The following DNM3 variants were observed in gnomAD, a reference collection of about 807,000 sequenced individuals.
DNM3 encodes dynamin-3.
A neutral mutation model predicts 101.6 loss-of-function variants in DNM3; 47 were observed. That is an observed-to-expected ratio of 0.46 (90% CI 0.37 to 0.59). The LOEUF (loss-of-function observed/expected upper bound fraction) is 0.59. Among genes scored for constraint, DNM3 ranks in the 20% least tolerant of loss-of-function variants. The pLI, the probability that DNM3 is intolerant of heterozygous loss-of-function variation, is 0.00. For missense variants in DNM3, 849 were observed against 1,085.7 expected (o/e 0.78, Z 3.06); for synonymous variants, 385 against 387.9 (o/e 0.99, Z 0.09).
intron 13 of DNM3, among the ~76,000 whole-genome samples, chr1:172,108,164 C>CT (rs1009315533): frequency 1.4e-4 from 21 of 151,970 alleles, no homozygotes; most frequent in Admixed American, 9.8e-4. Flanking sequence ...AACAATCTTA[C>CT]TTTTTTTTCC....
At chr1:172,073,120 C>A (rs989540083) in intron 11 of DNM3, among the ~76,000 whole-genome samples, 2 of 151,444 alleles carry the variant, frequency 1.3e-5, no homozygotes, top group Non-Finnish European at 2.9e-5. Flanking sequence ...GTAGTAAATG[C>A]CACAAATAAG....
At chr1:172,340,391 C>T (rs966205229) in intron 17 of DNM3, among the ~76,000 whole-genome samples, 7 of 152,200 alleles carry the variant, frequency 4.6e-5, no homozygotes, top group African/African-American at 1.7e-4. Flanking sequence ...AGAAGCACTA[C>T]TTGGTCCGCA....
intron 16 of DNM3, among the ~76,000 whole-genome samples, chr1:172,312,616 AT>A (rs1373767319): frequency 6.6e-6 from 1 of 152,040 alleles, no homozygotes; most frequent in African/African-American, 2.4e-5. Flanking sequence ...TAAGTTATTT[AT>A]CTTGGGGTTT....
chr1:171,908,351 T>C (rs2039000222), intron 1 of DNM3, among the ~76,000 whole-genome samples: 1 of 152,218 alleles, frequency 6.6e-6, no homozygotes, highest in South Asian at 2.1e-4. Context: ...TTTTGCATAT[T>C]CATGCTCAGA....
chr1:172,081,255 C>T lies in DNM3; in HGVS notation c.1423-577C>T, dbSNP rs192386076. Among the ~76,000 whole-genome samples the T allele has an allele frequency of 3.3e-5, 5 of 152,218 alleles. No individual in the cohort carries two copies. In the East Asian group the frequency reaches 7.7e-4, roughly 24 times the overall value. On this transcript the variant is annotated intron_variant, in intron 11 of 20. Coordinates refer to ENST00000627582, the MANE Select transcript of DNM3 (RefSeq NM_015569.5). ...GGGACTATAGGCACACACCACCATG[C>T]CCAGCTTCTGATTGATGTTTGGATT...
chr1:172,410,455 G>T lies in DNM3; in HGVS notation c.*2614G>T. ...ATAATTTAAAAAATCAGTGTTTTTA[G>T]GATTTGGGAAAATAAACTGTAAATG... On this transcript the variant is annotated 3_prime_UTR_variant, in exon 21 of 21. Coordinates refer to ENST00000627582, the MANE Select transcript of DNM3 (RefSeq NM_015569.5). 1.0e-6 allele frequency: 1 copy of T among 984,692 alleles called. No individual in the cohort carries two copies. The highest frequency in any genetic ancestry group is 1.2e-6 in the Non-Finnish European group (1 of 829,362). The allele number at this position is 984,692 out of a possible 1,614,324, so 61.0% of individuals were successfully genotyped here.
rs1008018892 is a variant in DNM3, at chr1:172,256,380, T to G, written c.1769+2698T>G. ...CTTTTAACTAGTGATTGAATATATTTAATGATTTCAGATTTATTTAGGTTT... is the reference window on the plus strand; with the variant it reads ...CTTTTAACTAGTGATTGAATATATTGAATGATTTCAGATTTATTTAGGTTT... On this transcript the variant is annotated intron_variant, in intron 15 of 20. Coordinates refer to ENST00000627582, the MANE Select transcript of DNM3 (RefSeq NM_015569.5). Among the ~76,000 whole-genome samples, 19 of 152,176 alleles carry G rather than the reference T, an allele frequency of 1.2e-4. 1 individual carries two copies. The highest frequency in any genetic ancestry group is 4.6e-4 in the African/African-American group (19 of 41,562).
chr1:172,408,300 C>T lies in DNM3; in HGVS notation c.*459C>T, dbSNP rs1033279072. 14 of 986,874 alleles carry T rather than the reference C, an allele frequency of 1.4e-5. No homozygotes were observed. Among genetic ancestry groups the T allele is most frequent in the Non-Finnish European group, 1.6e-5 (13 of 830,942 alleles). The allele number at this position is 986,874 out of a possible 1,614,324, so 61.1% of individuals were successfully genotyped here. ...TCTACCATTAATGCTACTACCTACT[C>T]CATAATTGCCTATTTAGCTCCTCTT... On this transcript the variant is annotated 3_prime_UTR_variant, in exon 21 of 21. Transcript: ENST00000627582.
At chr1:172,142,307 A>G (rs1396148909) in intron 14 of DNM3, 1 of 152,124 alleles carries the variant, frequency 6.6e-6, no homozygotes, top group African/African-American at 2.4e-5. Context: ...TATAATGTAT[A>G]TAAATGTGGG....
At chr1:171,972,869 A>AAC (rs1558351879) in intron 2 of DNM3, among the ~76,000 whole-genome samples, 23 of 151,212 alleles carry the variant, frequency 1.5e-4, no homozygotes, top group South Asian at 1.1e-3. Flanking sequence ...CAAAAAACAA[A>AAC]AACAACAACA....
chr1:171,965,280 T>A (rs1438810005), intron 2 of DNM3, among the ~76,000 whole-genome samples: 1 of 151,990 alleles, frequency 6.6e-6, no homozygotes, highest in Admixed American at 6.6e-5. Flanking sequence ...TGGTAGCTCA[T>A]GTCTGTAATT....
intron 4 of DNM3, among the ~76,000 whole-genome samples, chr1:171,990,362 A>G (rs983159290): frequency 6.6e-6 from 1 of 152,166 alleles, no homozygotes; most frequent in Admixed American, 6.6e-5. Flanking sequence ...CCCATGGAGT[A>G]ACTGTGCTGA....
At chr1:172,239,163 G>A (rs959524956) in intron 14 of DNM3, among the ~76,000 whole-genome samples, 4 of 152,084 alleles carry the variant, frequency 2.6e-5, no homozygotes, top group Non-Finnish European at 5.9e-5. Flanking sequence ...GTTTAAATAG[G>A]CTCTCACTAT....
intron 1 of DNM3, among the ~76,000 whole-genome samples, chr1:171,913,876 C>A (rs1440137858): frequency 6.6e-6 from 1 of 151,986 alleles, no homozygotes; most frequent in Non-Finnish European, 1.5e-5. Flanking sequence ...GCAGCCTCGA[C>A]CTCCTGGGTT....
intron 14 of DNM3, among the ~76,000 whole-genome samples, chr1:172,214,955 A>G (rs907564862): frequency 6.6e-6 from 1 of 152,160 alleles, no homozygotes; most frequent in African/African-American, 2.4e-5. Context: ...ATCCTTACCT[A>G]GTAAATATTC....
intron 15 of DNM3, among the ~76,000 whole-genome samples, chr1:172,256,034 T>G (rs1389644809): frequency 6.6e-6 from 1 of 152,150 alleles, no homozygotes; most frequent in African/African-American, 2.4e-5. Flanking sequence ...GACCTTCTGA[T>G]GTTAAACCAT....
intron 14 of DNM3, among the ~76,000 whole-genome samples, chr1:172,154,318 T>C (rs1490435752): frequency 6.6e-6 from 1 of 151,850 alleles, no homozygotes; most frequent in Non-Finnish European, 1.5e-5. Flanking sequence ...TATTTACCTG[T>C]ATAAAGATTT....
chr1:172,408,161 A>G lies in DNM3; in HGVS notation c.*320A>G, dbSNP rs1277974667. On this transcript the variant is annotated 3_prime_UTR_variant, in exon 21 of 21. Coordinates refer to ENST00000627582, the MANE Select transcript of DNM3 (RefSeq NM_015569.5). Reference sequence around the variant, plus strand: ...TTGCTTTGGACAAGTTTTCTAGGCTATCTACCAGGTAGCTCATTAAACGTA... The same window carrying G: ...TTGCTTTGGACAAGTTTTCTAGGCTGTCTACCAGGTAGCTCATTAAACGTA... 1.6e-5 allele frequency: 18 copies of G among 1,133,432 alleles called. No individual in the cohort carries two copies. The highest frequency in any genetic ancestry group is 2.0e-5 in the Non-Finnish European group (18 of 920,114). The allele number at this position is 1,133,432 out of a possible 1,614,324, so 70.2% of individuals were successfully genotyped here.
At chr1:172,006,993 C>A (rs1194377569) in intron 4 of DNM3, among the ~76,000 whole-genome samples, 1 of 152,060 alleles carries the variant, frequency 6.6e-6, no homozygotes, top group African/African-American at 2.4e-5. Flanking sequence ...TTCAGTAGTT[C>A]ATTTTTTTAA....
Sources: gnomAD v4.1 joint callset for allele counts (sites outside exome capture counted in the v4.1 genomes callset) on GRCh38, gnomAD v4.1.1 for gene constraint, MANE v1.5 for transcripts, NCBI Gene and HGNC (gene_info 2026-07-23, HGNC 2026-07-21) for gene names.